Variants in HUNK observed in about 807,000 individuals in gnomAD.
HUNK encodes the protein hormonally up-regulated Neu-associated kinase, also known as hormonally up-regulated neu tumor-associated kinase.
A neutral mutation model predicts 61.0 loss-of-function variants in HUNK; 21 were observed. That is an observed-to-expected ratio of 0.34 (90% confidence interval 0.24 to 0.50). The LOEUF (loss-of-function observed/expected upper bound fraction) is 0.50. Among genes scored for constraint, HUNK ranks in the 20% least tolerant of loss-of-function variants. The pLI, the probability that HUNK is intolerant of heterozygous loss-of-function variation, is 0.98. For synonymous variants in HUNK, 371 were observed against 386.1 expected, an observed-to-expected ratio of 0.96 and a Z score of 0.46; for missense variants, 772 against 945.7, an observed-to-expected ratio of 0.82 and a Z score of 2.41.
intron 1 of HUNK, among the ~76,000 whole-genome samples, chr21:31,917,691 AACATACACACACACACACACACACAC>A (rs1184301487): frequency 5.5e-5 from 3 of 54,622 alleles, no homozygotes; most frequent in Admixed American, 2.3e-4. Context: ...CCCATTCCCA[AACATACACACACACACACACACACAC>A]ACACACACAC....
chr21:31,921,077 G>A (rs925242925), intron 1 of HUNK, among the ~76,000 whole-genome samples: 11 of 148,690 alleles, frequency 7.4e-5, no homozygotes, highest in South Asian at 2.2e-4. Context: ...GCTTGAACCC[G>A]GGAGGCAGAG....
At chr21:31,981,837 TTTTA>T (rs71320223) in intron 7 of HUNK, among the ~76,000 whole-genome samples, 12 of 151,920 alleles carry the variant, frequency 7.9e-5, no homozygotes, top group Admixed American at 7.9e-4. Context: ...TTTTGATCCC[TTTTA>T]TTTATTTATT....
At chr21:31,900,080 C>T (rs952290868) in intron 1 of HUNK, among the ~76,000 whole-genome samples, 1 of 152,186 alleles carries the variant, frequency 6.6e-6, no homozygotes, top group Non-Finnish European at 1.5e-5. Flanking sequence ...CAGCCTCTGG[C>T]TGCTTTTTGA....
intron 1 of HUNK, among the ~76,000 whole-genome samples, chr21:31,876,116 A>G (rs1351901165): frequency 6.6e-6 from 1 of 152,182 alleles, no homozygotes. Context: ...TGTTTCTTAA[A>G]TGATGAATCT....
In HUNK at chr21:31,958,897, T is replaced by G; in HGVS notation, c.801T>G (p.Pro267=). Reference sequence around the variant, plus strand: ...GGACGCTGCCTTTCACGGTGGAGCCTTTCAGCCTGAGGGCTTTGTACCAGA... The same window carrying G: ...GGACGCTGCCTTTCACGGTGGAGCCGTTCAGCCTGAGGGCTTTGTACCAGA... ...LTGTLPFTVE[P]FSLRALYQKM... is the part of the protein sequence containing the mutation. Residue 267 remains proline (P), a synonymous_variant, in exon 5 of 11, where the codon CCT becomes CCG. Coordinates refer to ENST00000270112, the MANE Select transcript of HUNK (RefSeq NM_014586.2). The G allele has an allele frequency of 6.2e-7, 1 of 1,610,914 alleles. No homozygotes were observed. The highest frequency in any genetic ancestry group is 8.5e-7 in the Non-Finnish European group (1 of 1,178,958).
intron 1 of HUNK, among the ~76,000 whole-genome samples, chr21:31,888,301 C>A (rs2052362046): frequency 6.6e-6 from 1 of 152,130 alleles, no homozygotes; most frequent in African/African-American, 2.4e-5. Context: ...GCCCAAAGCC[C>A]TGGGCGTTAC....
intron 1 of HUNK, among the ~76,000 whole-genome samples, chr21:31,900,960 G>A (rs957672254): frequency 1.3e-5 from 2 of 152,108 alleles, no homozygotes; most frequent in East Asian, 3.9e-4. Context: ...TTGGGGAAGG[G>A]TCTCTTCCAG....
At chr21:31,943,664 C>T (rs2052783499) in intron 3 of HUNK, among the ~76,000 whole-genome samples, 1 of 152,228 alleles carries the variant, frequency 6.6e-6, no homozygotes, top group African/African-American at 2.4e-5. Flanking sequence ...CTTCTTGAAA[C>T]TGTGCTCAAG....
At chr21:31,953,631 T>C (rs1452089671) in intron 4 of HUNK, among the ~76,000 whole-genome samples, 3 of 152,222 alleles carry the variant, frequency 2.0e-5, no homozygotes, top group Non-Finnish European at 2.9e-5. Flanking sequence ...TAGATCACAA[T>C]TTATCAAGCT....
intron 1 of HUNK, among the ~76,000 whole-genome samples, chr21:31,907,208 G>A (rs1256175101): frequency 6.6e-6 from 1 of 152,066 alleles, no homozygotes; most frequent in East Asian, 1.9e-4. Context: ...TGCTTTGTCC[G>A]AACTGAGATG....
chr21:31,955,234 C>G (rs1489034002), intron 4 of HUNK, among the ~76,000 whole-genome samples: 2 of 151,174 alleles, frequency 1.3e-5, no homozygotes, highest in Non-Finnish European at 2.9e-5. Flanking sequence ...GCTTCCTTCT[C>G]ATTAGGCTAT....
intron 6 of HUNK, among the ~76,000 whole-genome samples, chr21:31,973,470 G>A (rs2053027021): frequency 6.6e-6 from 1 of 151,946 alleles, no homozygotes; most frequent in Non-Finnish European, 1.5e-5. Flanking sequence ...CACTCTTAAG[G>A]GATTTAGAAT....
intron 7 of HUNK, among the ~76,000 whole-genome samples, chr21:31,979,409 G>T (rs571866537): frequency 1.4e-5 from 2 of 147,672 alleles, no homozygotes; most frequent in Non-Finnish European, 3.0e-5. Context: ...GAGCCACCGC[G>T]CCCGGCCCCT....
At chr21:31,879,908 T>TA (rs886764594) in intron 1 of HUNK, among the ~76,000 whole-genome samples, 1 of 152,154 alleles carries the variant, frequency 6.6e-6, no homozygotes, top group African/African-American at 2.4e-5. Flanking sequence ...CCCCAGGCCT[T>TA]ATGTTAGCTG....
intron 3 of HUNK, among the ~76,000 whole-genome samples, chr21:31,944,652 G>A (rs1049149488): frequency 8.6e-5 from 13 of 151,936 alleles, no homozygotes; most frequent in Non-Finnish European, 1.8e-4. Flanking sequence ...GGAGGAGAAG[G>A]GGAGGGAGGT....
Position 31,924,817 on chromosome 21 carries a change from G to A in HUNK, c.554+57G>A, listed in dbSNP as rs1360447126. 3.5e-6 allele frequency: 5 copies of A among 1,432,130 alleles called. No individual in the cohort carries two copies. Among genetic ancestry groups the A allele is most frequent in the East Asian group, 2.3e-5 (1 of 43,750 alleles). The allele number at this position is 1,432,130 out of a possible 1,614,324, so 88.7% of individuals were successfully genotyped here. ...CTGTGTGCTCCGTGGGTGGCACTGGGCTGTGGCACCCTCTGAGCCTCTGAG... is the reference window on the plus strand; with the variant it reads ...CTGTGTGCTCCGTGGGTGGCACTGGACTGTGGCACCCTCTGAGCCTCTGAG... On this transcript the variant is annotated intron_variant, in intron 2 of 10. Transcript: ENST00000270112. This position sits in a 1 kb window ranked among gnomAD's most constrained non-coding sequence, Gnocchi z 5.1.
chr21:31,998,629 G>T lies in HUNK; in HGVS notation c.1590G>T (p.Arg530Ser), dbSNP rs1403471821. 6 of 1,614,146 alleles carry T rather than the reference G, an allele frequency of 3.7e-6. No homozygotes were observed. Among genetic ancestry groups the T allele is most frequent in the Non-Finnish European group, 4.2e-6 (5 of 1,180,032 alleles). Residue 530 changes from arginine (R) to serine (S), a missense_variant, in exon 11 of 11, where the codon AGG becomes AGT. Around this residue, in one of 2 missense-constraint regions of HUNK, gnomAD observed 413 missense variants for 444.4 expected, o/e 0.93. Transcript: ENST00000270112. ...CCGTGCCACCGCCCAGGACCCCGAG[G>T]ATTGTGAAGAAACCGGAGCCCCATC... ...FIPVPPPRTPRIVKKPEPHQP... is the reference protein window; with the variant it reads ...FIPVPPPRTPSIVKKPEPHQP...
intron 8 of HUNK, among the ~76,000 whole-genome samples, chr21:31,985,543 AT>A (rs1300021735): frequency 6.6e-6 from 1 of 152,186 alleles, no homozygotes; most frequent in Non-Finnish European, 1.5e-5. Context: ...ACAGGTCTCC[AT>A]TTCAGACAGA....
In HUNK at chr21:31,924,731, G is replaced by C. The variant is rs1310142701; in HGVS notation, c.525G>C (p.Glu175Asp). The change falls in exon 2 of 11, where the codon GAG becomes GAC. Residue 175 changes from glutamate to aspartate, a missense_variant. Physicochemically the swap from Glu to Asp is conservative, Grantham distance 45. Coordinates refer to ENST00000270112, the MANE Select transcript of HUNK (RefSeq NM_014586.2). The surrounding 1 kb of genome is among the most constrained non-coding windows in gnomAD (Gnocchi z 5.1). The stretch of plus-strand genomic sequence containing the variant: ...TCCGACAGCTCATCTCTGCCGTAGA[G>C]CACCTGCACCGGGCCGGGGTGGTCC... The part of the protein sequence containing the change: ...RYIRQLISAV[E>D]HLHRAGVVHR... 4.3e-6 allele frequency: 7 copies of C among 1,612,468 alleles called. No individual in the cohort carries two copies. Among genetic ancestry groups the C allele is most frequent in the Non-Finnish European group, 5.9e-6 (7 of 1,179,456 alleles).
Sources: gnomAD v4.1 joint callset for allele counts (sites outside exome capture counted in the v4.1 genomes callset) on GRCh38, gnomAD v4.1.1 for gene constraint, gnomAD v4.1.1 regional missense constraint, Gnocchi (gnomAD v3.1) non-coding constraint, MANE v1.5 for transcripts, NCBI Gene and HGNC (gene_info 2026-07-23, HGNC 2026-07-21) for gene names.